SCNN1B: variants seen among roughly 807,000 people sequenced by gnomAD.
SCNN1B encodes the protein epithelial sodium channel subunit beta.
Under a neutral mutation model 65.3 loss-of-function variants are expected in SCNN1B, and 46 were observed. The observed-to-expected ratio is 0.70, with a 90% CI of 0.56 to 0.90. SCNN1B has a LOEUF of 0.90. Ranked by LOEUF, SCNN1B falls within the 40% of genes least tolerant of loss-of-function variation. The pLI is 0.00. For missense variants in SCNN1B, 751 were observed against 830.5 expected (o/e 0.90, Z 1.18); for synonymous variants, 349 against 330.6 (o/e 1.06, Z -0.60).
chr16:23,310,313 A>C (rs995484512), intron 1 of SCNN1B, among the ~76,000 whole-genome samples: 78 of 148,806 alleles, frequency 5.2e-4, no homozygotes, highest in African/African-American at 1.9e-3. Flanking sequence ...AAAAAAAAAA[A>C]CCCACATAAA....
intron 7 of SCNN1B, 125 bp from the exon 8 acceptor site, chr16:23,375,613 A>G: frequency 1.3e-6 from 1 of 781,096 alleles, no homozygotes; most frequent in South Asian, 1.4e-5. Flanking sequence ...GCCCTGGAGC[A>G]CCTCCACCAG....
intron 2 of SCNN1B, among the ~76,000 whole-genome samples, chr16:23,288,103 A>T (rs1231912131): frequency 6.6e-6 from 1 of 152,030 alleles, no homozygotes; most frequent in Non-Finnish European, 1.5e-5. Context: ...CAGTGAGCTG[A>T]CATTGCGCCA....
At chr16:23,324,478 C>T (rs1437667220) in intron 1 of SCNN1B, among the ~76,000 whole-genome samples, 1 of 152,180 alleles carries the variant, frequency 6.6e-6, no homozygotes, top group African/African-American at 2.4e-5. Context: ...GCTGGAATTA[C>T]AGGCCTGAGC....
intron 2 of SCNN1B, 96 bp from the exon 3 acceptor site, chr16:23,352,705 G>A (rs1962334687): frequency 3.8e-6 from 5 of 1,332,274 alleles, no homozygotes; most frequent in Non-Finnish European, 5.4e-6. Context: ...TTATAGCAGT[G>A]TGAAAACAGA....
At chr16:23,319,670 G>T (rs1033684578) in intron 1 of SCNN1B, among the ~76,000 whole-genome samples, 1 of 152,198 alleles carries the variant, frequency 6.6e-6, no homozygotes, top group Non-Finnish European at 1.5e-5. Context: ...AAATACTGCT[G>T]CCTGGCCCTT....
intron 8 of SCNN1B, among the ~76,000 whole-genome samples, chr16:23,376,118 G>A (rs534766574): frequency 6.6e-6 from 1 of 152,362 alleles, no homozygotes; most frequent in Non-Finnish European, 1.5e-5. Context: ...GTGGGCCTGT[G>A]TCTGTGTGCC....
chr16:23,351,723 CAG>C (rs1962313015), intron 2 of SCNN1B, among the ~76,000 whole-genome samples: 2 of 152,176 alleles, frequency 1.3e-5, no homozygotes, highest in African/African-American at 4.8e-5. Context: ...CCCGGCCCCG[CAG>C]AGATACTTCT....
intron 1 of SCNN1B, among the ~76,000 whole-genome samples, chr16:23,281,368 G>A (rs1389770364): frequency 1.3e-5 from 2 of 152,126 alleles, no homozygotes; most frequent in African/African-American, 4.8e-5. Context: ...TGGAGTGGGA[G>A]GTTGCAGTGA....
At position 23,381,041 on chromosome 16, in the gene SCNN1B, C is replaced by T. The variant is rs368705078; in HGVS notation, c.*240C>T. ...TGTATCTTCACCTGGTTCCTACCCTCGTCCCTACCTGTCCTGATCCTGGTC... is the reference window on the plus strand; with the variant it reads ...TGTATCTTCACCTGGTTCCTACCCTTGTCCCTACCTGTCCTGATCCTGGTC... On this transcript the variant is annotated 3_prime_UTR_variant, in exon 13 of 13. Coordinates refer to ENST00000343070, the MANE Select transcript of SCNN1B (RefSeq NM_000336.3). The T allele has an allele frequency of 4.2e-5, 25 of 589,388 alleles. No individual in the cohort carries two copies. The highest frequency in any genetic ancestry group is 3.1e-4 in the South Asian group (16 of 52,426). 36.5% of individuals were successfully genotyped at this position (589,388 alleles called of 1,614,324 possible). A position where few individuals can be genotyped will look rare whatever the true frequency, so the allele number is the denominator to read the frequency against.
chr16:23,335,281 G>T (rs1474826418), intron 1 of SCNN1B, among the ~76,000 whole-genome samples: 1 of 152,084 alleles, frequency 6.6e-6, no homozygotes, highest in Non-Finnish European at 1.5e-5. Context: ...TTCCTTTCTT[G>T]AGGGCAACTC....
In SCNN1B at chr16:23,348,617, C is replaced by G. The variant is rs779609320; in HGVS notation, c.18C>G (p.Tyr6Ter). ...GTGCCACTATGCACGTGAAGAAGTACCTGCTGAAGGGCCTGCATCGGCTGC... is the reference window on the plus strand; with the variant it reads ...GTGCCACTATGCACGTGAAGAAGTAGCTGCTGAAGGGCCTGCATCGGCTGC... MHVKK[Y>*]LLKGLHRLQK... Residue 6 changes from tyrosine to a stop codon, truncating the protein, a stop_gained, in exon 2 of 13, where the codon TAC (tyrosine) becomes TAG (stop). Transcript: ENST00000343070. LOFTEE classifies it high-confidence loss of function. This position sits in a 1 kb window ranked among gnomAD's most constrained non-coding sequence, Gnocchi z 4.5. The G allele has an allele frequency of 6.2e-7, 1 of 1,613,100 alleles. No homozygotes were observed. The highest frequency in any genetic ancestry group is 1.1e-5 in the South Asian group (1 of 91,038).
At chr16:23,297,638 G>A (rs1961016666), upstream of SCNN1B, among the ~76,000 whole-genome samples, 1 of 152,186 alleles carries the variant, frequency 6.6e-6, no homozygotes. Flanking sequence ...CTCCCTGAGA[G>A]CTCAATGAAA....
chr16:23,313,580 T>C (rs1961389061), intron 1 of SCNN1B, among the ~76,000 whole-genome samples: 1 of 152,304 alleles, frequency 6.6e-6, no homozygotes, highest in East Asian at 1.9e-4. Flanking sequence ...CCCTACAGTA[T>C]AATAATAAAA....
Position 23,348,898 on chromosome 16 carries a change from C to A in SCNN1B, c.299C>A (p.Ala100Asp), listed in dbSNP as rs1192279473. 2 of 1,614,182 alleles carry A rather than the reference C, an allele frequency of 1.2e-6. No individual in the cohort carries two copies. Among genetic ancestry groups the A allele is most frequent in the East Asian group, 4.5e-5 (2 of 44,880 alleles). Residue 100 changes from alanine to aspartate, a missense_variant, in exon 2 of 13, where the codon GCT becomes GAT. By Grantham distance (126) the Ala-to-Asp change is moderately radical. Coordinates refer to ENST00000343070, the MANE Select transcript of SCNN1B (RefSeq NM_000336.3). The surrounding 1 kb of genome is among the most constrained non-coding windows in gnomAD (Gnocchi z 4.5). ...MDFPAVTICNASPFKYSKIKH... is the reference protein window; with the variant it reads ...MDFPAVTICNDSPFKYSKIKH... ...TTCCCTGCCGTCACCATCTGCAATG[C>A]TAGCCCCTTCAAGTAGGTGGCCCCG...
At chr16:23,320,538 C>T (rs72652302) in intron 1 of SCNN1B, among the ~76,000 whole-genome samples, 3 of 152,244 alleles carry the variant, frequency 2.0e-5, no homozygotes, top group African/African-American at 7.2e-5. Context: ...TCTGACCAGA[C>T]TCAAGGGGTT....
chr16:23,313,366 T>C (rs914202700), intron 1 of SCNN1B, among the ~76,000 whole-genome samples: 1 of 152,156 alleles, frequency 6.6e-6, no homozygotes, highest in South Asian at 2.1e-4. Context: ...TCTTGTTGGA[T>C]CTTATGATCC....
rs749784230 is a variant in SCNN1B, at chr16:23,380,758, C to T, written c.1880C>T (p.Pro627Leu). Residue 627 changes from proline to leucine, a missense_variant, in exon 13 of 13, where the codon CCG becomes CTG. By Grantham distance (98) the Pro-to-Leu change is moderately conservative. Transcript: ENST00000343070. This position sits in a 1 kb window ranked among gnomAD's most constrained non-coding sequence, Gnocchi z 5.4. ...AACTATGACTCCCTGCGTCTGCAGC[C>T]GCTGGACGTCATCGAGTCTGACAGT... Reference protein sequence around the residue: ...PPNYDSLRLQPLDVIESDSEG... With the variant: ...PPNYDSLRLQLLDVIESDSEG... 56 of 1,612,686 alleles carry T rather than the reference C, an allele frequency of 3.5e-5. No individual in the cohort carries two copies. In the South Asian group the frequency reaches 4.5e-4, roughly 13 times the overall value.
At chr16:23,308,065 G>T (rs528295350) in intron 1 of SCNN1B, among the ~76,000 whole-genome samples, 1 of 152,050 alleles carries the variant, frequency 6.6e-6, no homozygotes, top group Non-Finnish European at 1.5e-5. Context: ...GAATTTTGGT[G>T]TGGTGGCGCA....
intron 1 of SCNN1B, among the ~76,000 whole-genome samples, chr16:23,335,833 C>A (rs975736693): frequency 3.3e-5 from 5 of 151,994 alleles, no homozygotes; most frequent in Admixed American, 3.3e-4. Flanking sequence ...TATATATTGA[C>A]AACATTCACT....
Sources: allele counts gnomAD v4.1 joint callset (sites outside exome capture counted in the v4.1 genomes callset), GRCh38; gene constraint gnomAD v4.1.1; non-coding constraint Gnocchi (gnomAD v3.1); transcripts MANE v1.5; gene names NCBI Gene and HGNC (gene_info 2026-07-23, HGNC 2026-07-21).